SLC9A9: variants seen among roughly 807,000 people sequenced by gnomAD.
The protein encoded by SLC9A9 is solute carrier family 9 member A9, also known as sodium/hydrogen exchanger 9.
Under a neutral mutation model 77.8 loss-of-function variants are expected in SLC9A9, and 62 were observed. The ratio of observed to expected loss-of-function variants is 0.80; its 90% CI spans 0.65 to 0.98. The LOEUF is 0.98. SLC9A9 is among the 50% of genes least tolerant of loss of function. The pLI, the probability that SLC9A9 is intolerant of heterozygous loss-of-function variation, is 0.00. For missense variants in SLC9A9, 775 were observed against 774.9 expected (o/e 1.00, Z 0.00); for synonymous variants, 320 against 283.5 (o/e 1.13, Z -1.29).
At chr3:143,564,980 G>T (rs1027123802) in intron 8 of SLC9A9, among the ~76,000 whole-genome samples, 8 of 152,100 alleles carry the variant, frequency 5.3e-5, no homozygotes, top group Non-Finnish European at 1.2e-4. Flanking sequence ...TCAAGTTTTG[G>T]TGTTCATTAG....
chr3:143,302,124 C>T (rs1234705286), intron 14 of SLC9A9, among the ~76,000 whole-genome samples: 1 of 152,112 alleles, frequency 6.6e-6, no homozygotes, highest in Non-Finnish European at 1.5e-5. Context: ...TTTGTCACAG[C>T]GGGCCAGGAA....
At chr3:143,374,479 G>A (rs376996790) in intron 13 of SLC9A9, among the ~76,000 whole-genome samples, 52 of 147,864 alleles carry the variant, frequency 3.5e-4, no homozygotes, top group African/African-American at 1.2e-3. Context: ...ACAACAGAAT[G>A]TGATTTTCAA....
chr3:143,449,818 A>ATAT (rs1559921617), intron 12 of SLC9A9, among the ~76,000 whole-genome samples: 6 of 41,014 alleles, frequency 1.5e-4, no homozygotes, highest in Non-Finnish European at 1.7e-4. Flanking sequence ...ATAATTATAT[A>ATAT]TTTACATATA....
chr3:143,341,750 CAT>C (rs2032104698), intron 14 of SLC9A9, among the ~76,000 whole-genome samples: 2 of 152,144 alleles, frequency 1.3e-5, no homozygotes, highest in Non-Finnish European at 2.9e-5. Flanking sequence ...TTTTTACAAT[CAT>C]ATAATTTATT....
chr3:143,607,580 A>T (rs1239546790), intron 6 of SLC9A9, among the ~76,000 whole-genome samples: 1 of 152,084 alleles, frequency 6.6e-6, no homozygotes, highest in East Asian at 1.9e-4. Flanking sequence ...CTTGTTAATT[A>T]TGTATTCTAT....
chr3:143,268,732 CAAAAAA>C (rs11312794), intron 15 of SLC9A9, 137 bp downstream of exon 15: 188 of 236,482 alleles, frequency 7.9e-4, no homozygotes, highest in Non-Finnish European at 8.5e-4. Context: ...GACTCCGTCT[CAAAAAA>C]AAAAAAAAAA....
At chr3:143,661,558 T>C (rs1286721236) in intron 5 of SLC9A9, among the ~76,000 whole-genome samples, 2 of 152,140 alleles carry the variant, frequency 1.3e-5, no homozygotes, top group Non-Finnish European at 2.9e-5. Flanking sequence ...CAGATTTTCT[T>C]CACTCTCCTT....
chr3:143,516,331 T>A (rs2036202680), intron 9 of SLC9A9, among the ~76,000 whole-genome samples: 1 of 152,098 alleles, frequency 6.6e-6, no homozygotes, highest in Admixed American at 6.5e-5. Context: ...TCAGTTTTCT[T>A]ATCTATTTCT....
intron 6 of SLC9A9, among the ~76,000 whole-genome samples, chr3:143,579,738 T>A (rs778831613): frequency 6.6e-6 from 1 of 152,148 alleles, no homozygotes; most frequent in Non-Finnish European, 1.5e-5. Flanking sequence ...ACTAGACACA[T>A]TGACTGAGAT....
chr3:143,633,217 G>A (rs1560004249), intron 6 of SLC9A9, among the ~76,000 whole-genome samples: 1 of 152,118 alleles, frequency 6.6e-6, no homozygotes, highest in Non-Finnish European at 1.5e-5. Context: ...TATCAGGTGA[G>A]CAGGGAGATA....
chr3:143,682,695 A>G (rs1933140144), intron 5 of SLC9A9, among the ~76,000 whole-genome samples: 1 of 152,202 alleles, frequency 6.6e-6, no homozygotes, highest in Admixed American at 6.5e-5. Context: ...TGTAGGCACA[A>G]GAGGATAATC....
chr3:143,732,271 T>G (rs565659258), intron 4 of SLC9A9, among the ~76,000 whole-genome samples: 1 of 152,346 alleles, frequency 6.6e-6, no homozygotes, highest in East Asian at 1.9e-4. Context: ...TTGTCAAAAA[T>G]CCACAAATTC....
chr3:143,733,843 TC>T (rs148339244), intron 4 of SLC9A9, among the ~76,000 whole-genome samples: 4,034 of 151,992 alleles, frequency 0.027, 205 homozygotes, highest in African/African-American at 0.091. Flanking sequence ...ATGTAGACTA[TC>T]CCCAAGAAAA....
intron 12 of SLC9A9, among the ~76,000 whole-genome samples, chr3:143,457,617 G>A (rs528662403): frequency 1.6e-4 from 25 of 152,072 alleles, no homozygotes; most frequent in African/African-American, 5.1e-4. Context: ...CTTTCTGAGC[G>A]CTGCTTTAGC....
chr3:143,776,608 A>G (rs1282922990), intron 4 of SLC9A9, among the ~76,000 whole-genome samples: 1 of 152,146 alleles, frequency 6.6e-6, no homozygotes, highest in African/African-American at 2.4e-5. Flanking sequence ...CTGTATAGAG[A>G]AGGATTTTTA....
chr3:143,787,259 G>A (rs1053137129), intron 4 of SLC9A9, among the ~76,000 whole-genome samples: 3 of 152,114 alleles, frequency 2.0e-5, no homozygotes, highest in African/African-American at 7.2e-5. Context: ...ATACATGCAA[G>A]AGAATATATA....
At chr3:143,744,996 G>A (rs17651169) in intron 4 of SLC9A9, among the ~76,000 whole-genome samples, 3 of 152,248 alleles carry the variant, frequency 2.0e-5, no homozygotes, top group Non-Finnish European at 2.9e-5. Flanking sequence ...CAATTAACGC[G>A]CATTTGTTCA....
intron 14 of SLC9A9, among the ~76,000 whole-genome samples, chr3:143,358,642 C>T (rs1483151550): frequency 6.6e-6 from 1 of 152,130 alleles, no homozygotes; most frequent in Non-Finnish European, 1.5e-5. Flanking sequence ...ATGAATAAGG[C>T]AACATGAGAT....
chr3:143,514,286 G>A (rs1484083352), intron 9 of SLC9A9, among the ~76,000 whole-genome samples: 2 of 151,486 alleles, frequency 1.3e-5, no homozygotes, highest in Admixed American at 6.6e-5. Context: ...CAGATGTGCT[G>A]TCATCCAGGC....
Sources: allele counts gnomAD v4.1 joint callset (sites outside exome capture counted in the v4.1 genomes callset), GRCh38; gene constraint gnomAD v4.1.1; transcripts MANE v1.5; gene names NCBI Gene and HGNC (gene_info 2026-07-23, HGNC 2026-07-21).